Variants in STK3 observed in about 807,000 individuals in gnomAD.
The protein encoded by STK3 is serine/threonine-protein kinase 3.
A neutral mutation model predicts 58.0 loss-of-function variants in STK3; 41 were observed. The ratio of observed to expected loss-of-function variants is 0.71; its 90% CI spans 0.55 to 0.92. The LOEUF is 0.92. STK3 is among the 40% of genes least tolerant of loss of function. The pLI is 0.00. For missense variants in STK3, 479 were observed against 602.7 expected (o/e 0.79, Z 2.15); for synonymous variants, 170 against 191.0 (o/e 0.89, Z 0.91).
At chr8:98,708,434 A>C (rs1272169213) in intron 4 of STK3, among the ~76,000 whole-genome samples, 1 of 152,130 alleles carries the variant, frequency 6.6e-6, no homozygotes, top group Non-Finnish European at 1.5e-5. Flanking sequence ...AACCCTTCCA[A>C]GTTCTGGACT....
chr8:98,729,955 T>C (rs2131239140), intron 4 of STK3, among the ~76,000 whole-genome samples: 1 of 152,308 alleles, frequency 6.6e-6, no homozygotes, highest in Non-Finnish European at 1.5e-5. Flanking sequence ...CCATTTCTCA[T>C]CTGGAAAATG....
chr8:98,671,776 G>A (rs1403144581), intron 6 of STK3, among the ~76,000 whole-genome samples: 3 of 152,076 alleles, frequency 2.0e-5, no homozygotes, highest in Non-Finnish European at 4.4e-5. Flanking sequence ...GTAGATAACA[G>A]TGATATGGTT....
chr8:98,552,505 G>A (rs1338400712), intron 8 of STK3, among the ~76,000 whole-genome samples: 1 of 152,014 alleles, frequency 6.6e-6, no homozygotes, highest in Non-Finnish European at 1.5e-5. Context: ...TGTTTCTTGA[G>A]CATTCTAAAC....
chr8:98,760,398 C>T (rs924769463), intron 3 of STK3, among the ~76,000 whole-genome samples: 1 of 152,164 alleles, frequency 6.6e-6, no homozygotes, highest in Non-Finnish European at 1.5e-5. Context: ...CTTTGGCCTC[C>T]CAAAGCACTG....
In STK3 at chr8:98,428,621, C is replaced by T; in HGVS notation, n.483+5506G>A. The T allele has an allele frequency of 6.2e-7, 1 of 1,614,214 alleles. No homozygotes were observed. The highest frequency in any genetic ancestry group is 8.5e-7 in the Non-Finnish European group (1 of 1,180,044). On this transcript the variant is annotated intron_variant and non_coding_transcript_variant, in intron 3 of 3. Transcript: ENST00000517832. The surrounding 1 kb of genome is among the most constrained non-coding windows in gnomAD (Gnocchi z 6.7). The stretch of plus-strand genomic sequence containing the variant: ...TCAATAGCCTGCCCGATTTCCAAAT[C>T]CCTGACAGCCAGGGCAACCCTGGCG...
chr8:98,593,648 T>A (rs1480432090), intron 7 of STK3, among the ~76,000 whole-genome samples: 1 of 152,196 alleles, frequency 6.6e-6, no homozygotes, highest in Middle Eastern at 3.2e-3. Context: ...ATGCTCCTTA[T>A]GAGAATCTAA....
intron 10 of STK3, among the ~76,000 whole-genome samples, chr8:98,492,549 G>T (rs912169019): frequency 3.9e-5 from 6 of 152,014 alleles, no homozygotes; most frequent in African/African-American, 1.4e-4. Context: ...TTAAAGAAAG[G>T]GAACAACATT....
intron 5 of STK3, 68 bp from the exon 6 acceptor site, chr8:98,706,702 A>G (rs1320169970): frequency 7.1e-7 from 1 of 1,417,088 alleles, no homozygotes; most frequent in Non-Finnish European, 9.3e-7. Flanking sequence ...TGCCAAACAT[A>G]CTTTTAAAAA....
intron 6 of STK3, among the ~76,000 whole-genome samples, chr8:98,622,629 C>G (rs937673382): frequency 6.6e-6 from 1 of 152,182 alleles, no homozygotes; most frequent in African/African-American, 2.4e-5. Context: ...ATTTCTGTAA[C>G]TTGGCAGAGA....
At chr8:98,730,011 G>A (rs1828060365) in intron 4 of STK3, among the ~76,000 whole-genome samples, 1 of 152,162 alleles carries the variant, frequency 6.6e-6, no homozygotes. Context: ...ATCCTCATGA[G>A]GATTAAATGC....
At chr8:98,493,650 T>C (rs1822889079) in intron 10 of STK3, among the ~76,000 whole-genome samples, 1 of 152,212 alleles carries the variant, frequency 6.6e-6, no homozygotes, top group Non-Finnish European at 1.5e-5. Flanking sequence ...TCTCCCTCTA[T>C]ACTGATGACT....
At chr8:98,498,274 C>A (rs1823301298) in intron 10 of STK3, among the ~76,000 whole-genome samples, 1 of 151,920 alleles carries the variant, frequency 6.6e-6, no homozygotes, top group African/African-American at 2.4e-5. Flanking sequence ...ATGTCTATGG[C>A]CTAGATGGGG....
intron 4 of STK3, among the ~76,000 whole-genome samples, chr8:98,721,454 C>T (rs1827419477): frequency 6.6e-6 from 1 of 151,816 alleles, no homozygotes; most frequent in Admixed American, 6.6e-5. Flanking sequence ...CACATGAGCC[C>T]AGGAGTTCGT....
At chr8:98,755,522 G>A (rs1470449759) in intron 3 of STK3, among the ~76,000 whole-genome samples, 2 of 152,186 alleles carry the variant, frequency 1.3e-5, no homozygotes, top group African/African-American at 2.4e-5. Context: ...GAAGGCACTG[G>A]AGTATGTGAA....
At chr8:98,715,213 T>C (rs1312586590) in intron 4 of STK3, among the ~76,000 whole-genome samples, 2 of 152,158 alleles carry the variant, frequency 1.3e-5, no homozygotes, top group African/African-American at 2.4e-5. Context: ...ATTCAGGACA[T>C]AGGCATGGGT....
intron 10 of STK3, among the ~76,000 whole-genome samples, chr8:98,498,160 T>A (rs1359088922): frequency 1.3e-5 from 2 of 152,054 alleles, no homozygotes; most frequent in Non-Finnish European, 1.5e-5. Flanking sequence ...AAAGCTATTA[T>A]GAATAATGCT....
intron 1 of STK3, chr8:98,905,445 G>C (rs191599617): frequency 4.6e-6 from 6 of 1,298,802 alleles, no homozygotes; most frequent in Non-Finnish European, 6.7e-6. Context: ...CTTGGTTGAC[G>C]CTTTGCTCTT....
chr8:98,535,756 T>C (rs2131529921), intron 9 of STK3, among the ~76,000 whole-genome samples: 1 of 152,334 alleles, frequency 6.6e-6, no homozygotes, highest in Admixed American at 6.5e-5. Context: ...AGTAGCAGCA[T>C]ACACTGGGAA....
At chr8:98,607,171 T>C (rs1003139355) in intron 6 of STK3, among the ~76,000 whole-genome samples, 16 of 152,260 alleles carry the variant, frequency 1.1e-4, no homozygotes, top group African/African-American at 3.9e-4. Context: ...GCAACTGATA[T>C]AAGAAGCACT....
Sources: gnomAD v4.1 joint callset for allele counts (sites outside exome capture counted in the v4.1 genomes callset) on GRCh38, gnomAD v4.1.1 for gene constraint, Gnocchi (gnomAD v3.1) non-coding constraint, MANE v1.5 for transcripts, NCBI Gene and HGNC (gene_info 2026-07-23, HGNC 2026-07-21) for gene names.